GOLPH3: variants seen among roughly 807,000 people sequenced by gnomAD.
The protein encoded by GOLPH3 is coat protein GPP34.
GOLPH3 carries 14 observed loss-of-function variants against 28.5 expected under a neutral mutation model. That is an observed-to-expected ratio of 0.49 (90% confidence interval 0.32 to 0.77). The LOEUF (loss-of-function observed/expected upper bound fraction) is 0.77, where lower values mean the gene tolerates loss of function less well. Among genes scored for constraint, GOLPH3 ranks in the 30% least tolerant of loss-of-function variants. The pLI is 0.03. For missense variants in GOLPH3, 350 were observed against 393.7 expected (o/e 0.89, Z 0.94); for synonymous variants, 158 against 159.2 (o/e 0.99, Z 0.06).
At chr5:32,164,418 G>C (rs1198975242) in intron 1 of GOLPH3, among the ~76,000 whole-genome samples, 1 of 151,092 alleles carries the variant, frequency 6.6e-6, no homozygotes, top group African/African-American at 2.4e-5. Flanking sequence ...TTTTGAGACG[G>C]AGTCTCACTC....
At chr5:32,169,986 C>T (rs948728037) in intron 1 of GOLPH3, among the ~76,000 whole-genome samples, 2 of 151,162 alleles carry the variant, frequency 1.3e-5, no homozygotes, top group Admixed American at 1.3e-4. Context: ...ATCACAATGA[C>T]TTTAGACTCA....
At chr5:32,148,230 A>G (rs1047093984) in intron 1 of GOLPH3, among the ~76,000 whole-genome samples, 2 of 152,180 alleles carry the variant, frequency 1.3e-5, no homozygotes, top group African/African-American at 4.8e-5. Context: ...CCGTTTCTAT[A>G]TATTACTTCC....
chr5:32,143,671 T>C (rs898229858), intron 2 of GOLPH3, 78 bp downstream of exon 2: 11 of 1,259,634 alleles, frequency 8.7e-6, no homozygotes, highest in Non-Finnish European at 1.2e-5. Context: ...ACTTTAATTT[T>C]TGAAGGCTAC....
At position 32,156,729 on chromosome 5, in the gene GOLPH3, T is replaced by C. The variant is rs140730251; in HGVS notation, c.226-12849A>G. On this transcript the variant is annotated intron_variant, in intron 1 of 3. Transcript: ENST00000265070. ...GATCCCTCATCACATGCGCAGCTCA[T>C]AACAGGGTTCATACTCCTATGAGAA... is the stretch of plus-strand genomic sequence containing the variant. Among the ~76,000 whole-genome samples the C allele has an allele frequency of 1.7e-3, 265 of 152,300 alleles. 3 individuals carry two copies. Among genetic ancestry groups the C allele is most frequent in the Non-Finnish European group, 3.5e-3 (239 of 68,018 alleles).
At chr5:32,127,310 G>A (rs1745704196) in intron 3 of GOLPH3, among the ~76,000 whole-genome samples, 1 of 152,174 alleles carries the variant, frequency 6.6e-6, no homozygotes, top group South Asian at 2.1e-4. Flanking sequence ...GATTATGTGT[G>A]CTCAACTTTT....
rs563422478 is a variant in GOLPH3, at chr5:32,135,095, A to G, written c.472+477T>C. 2.0e-5 allele frequency among the ~76,000 whole-genome samples: 3 copies of G among 152,328 alleles called. No homozygotes were observed. The East Asian group carries it at 5.8e-4, about 29-fold the overall frequency. On this transcript the variant is annotated intron_variant, in intron 3 of 3. Coordinates refer to ENST00000265070, the MANE Select transcript of GOLPH3 (RefSeq NM_022130.4). Reference sequence around the variant, plus strand: ...AACCACATGTCATTTCTAAGCAGAAACTTAAGAGCCAGAGTGATGTGCTAT... The same window carrying G: ...AACCACATGTCATTTCTAAGCAGAAGCTTAAGAGCCAGAGTGATGTGCTAT...
At chr5:32,173,493 C>A (rs1281012729) in intron 1 of GOLPH3, among the ~76,000 whole-genome samples, 1 of 152,006 alleles carries the variant, frequency 6.6e-6, no homozygotes, top group Non-Finnish European at 1.5e-5. Flanking sequence ...GGGGTCTACA[C>A]GGGTTAAAAA....
intron 3 of GOLPH3, among the ~76,000 whole-genome samples, chr5:32,131,027 C>T (rs1745815351): frequency 6.6e-6 from 1 of 152,196 alleles, no homozygotes; most frequent in Admixed American, 6.5e-5. Context: ...ATGACTGGCC[C>T]TTCCTACTGG....
rs541655254 is a variant in GOLPH3, at chr5:32,150,899, A to G, written c.226-7019T>C. Among the ~76,000 whole-genome samples, 2 of 152,366 alleles carry G rather than the reference A, an allele frequency of 1.3e-5. 1 individual carries two copies. Among genetic ancestry groups the G allele is most frequent in the African/African-American group, 4.8e-5 (2 of 41,598 alleles). ...ACATGGAAAGATGAACATTTTAAAC[A>G]AACGTGTTGGGACAACCAGATAGTC... On this transcript the variant is annotated intron_variant, in intron 1 of 3. Transcript: ENST00000265070.
At chr5:32,164,310 C>T (rs1468845672) in intron 1 of GOLPH3, among the ~76,000 whole-genome samples, 2 of 152,130 alleles carry the variant, frequency 1.3e-5, no homozygotes, top group East Asian at 3.8e-4. Flanking sequence ...TCATTATCTT[C>T]TCCCCCATGA....
At position 32,126,449 on chromosome 5, in the gene GOLPH3, G is replaced by A. The variant is rs148849408; in HGVS notation, c.660C>T (p.Ala220=). 6.9e-5 allele frequency: 111 copies of A among 1,614,160 alleles called. No homozygotes were observed. In the African/African-American group the frequency reaches 1.1e-3, roughly 16 times the overall value. The part of the protein sequence containing the change: ...KQRLIKKVQE[A]VLDKWVNDPH... ...GGTCATTCACCCATTTGTCAAGAAC[G>A]GCTTCCTGTACTTTCTTGATGAGGC... is the stretch of plus-strand genomic sequence containing the variant. Residue 220 remains alanine (A), a synonymous_variant, in exon 4 of 4, where the codon GCC becomes GCT. Coordinates refer to ENST00000265070, the MANE Select transcript of GOLPH3 (RefSeq NM_022130.4).
intron 2 of GOLPH3, 22 bp from the exon 3 acceptor site, chr5:32,135,708 T>A (rs1581538995): frequency 6.9e-7 from 1 of 1,444,894 alleles, no homozygotes; most frequent in Non-Finnish European, 9.7e-7. Flanking sequence ...GCAAAAAGAA[T>A]GAAAGGATCC....
At chr5:32,149,343 C>T (rs1746252859) in intron 1 of GOLPH3, among the ~76,000 whole-genome samples, 1 of 152,046 alleles carries the variant, frequency 6.6e-6, no homozygotes, top group Non-Finnish European at 1.5e-5. Context: ...ACAGTGGGTG[C>T]CCAGGGCTGG....
intron 1 of GOLPH3, among the ~76,000 whole-genome samples, chr5:32,146,698 C>T (rs1295079414): frequency 6.6e-6 from 1 of 151,910 alleles, no homozygotes; most frequent in African/African-American, 2.4e-5. Flanking sequence ...GGGATATAAC[C>T]GGAAGTATAA....
chr5:32,129,654 G>C (rs1210324005), intron 3 of GOLPH3, among the ~76,000 whole-genome samples: 1 of 152,144 alleles, frequency 6.6e-6, no homozygotes, highest in African/African-American at 2.4e-5. Flanking sequence ...ATGTTATGGG[G>C]TATTTCATAG....
In GOLPH3 at chr5:32,142,900, C is replaced by G. The variant is rs570395668; in HGVS notation, c.357+849G>C. Among the ~76,000 whole-genome samples the G allele has an allele frequency of 5.6e-3, 851 of 151,544 alleles. 6 individuals are homozygous for G. Among genetic ancestry groups the G allele is most frequent in the Non-Finnish European group, 9.7e-3 (658 of 67,876 alleles). On this transcript the variant is annotated intron_variant, in intron 2 of 3. Transcript: ENST00000265070. ...GGGCGCCTCTGCCCGGCCGCGCCTA[C>G]TGGGAAGTGAGGAGCCCCTCTGCCC...
chr5:32,146,056 CAGAG>C (rs1561668940), intron 1 of GOLPH3, among the ~76,000 whole-genome samples: 1 of 152,168 alleles, frequency 6.6e-6, no homozygotes, highest in East Asian at 1.9e-4. Context: ...CTTCGGGAGG[CAGAG>C]GCAAGCAGAT....
chr5:32,140,788 T>G (rs1581542143), intron 2 of GOLPH3, among the ~76,000 whole-genome samples: 3 of 130,656 alleles, frequency 2.3e-5, no homozygotes, highest in Admixed American at 1.7e-4. Context: ...GGCAATGGAG[T>G]GAGACTCTGT....
At chr5:32,155,195 G>GC (rs1746392858) in intron 1 of GOLPH3, among the ~76,000 whole-genome samples, 1 of 150,516 alleles carries the variant, frequency 6.6e-6, no homozygotes, top group Admixed American at 6.6e-5. Context: ...CTTTTACTTT[G>GC]TTTTTTTAAA....
Sources: gnomAD v4.1 joint callset for allele counts (sites outside exome capture counted in the v4.1 genomes callset) on GRCh38, gnomAD v4.1.1 for gene constraint, MANE v1.5 for transcripts, NCBI Gene and HGNC (gene_info 2026-07-23, HGNC 2026-07-21) for gene names.